The following SCML4 variants were observed in gnomAD, a reference collection of about 807,000 sequenced individuals.
The protein encoded by SCML4 is Scm polycomb group protein like 4, also known as sex comb on midleg-like protein 4.
In SCML4, 34 loss-of-function variants were observed where a neutral mutation model predicts 41.1. That is an observed-to-expected ratio of 0.83 (90% CI 0.63 to 1.10). SCML4 has a LOEUF of 1.10. Ranked by LOEUF, SCML4 falls within the 50% of genes least tolerant of loss-of-function variation. SCML4 has a pLI of 0.00. For missense variants in SCML4, 522 were observed against 534.1 expected, an observed-to-expected ratio of 0.98 and a Z score of 0.22; for synonymous variants, 214 against 220.9, an observed-to-expected ratio of 0.97 and a Z score of 0.28.
At chr6:107,845,960 G>C in the SCML4 span, among the ~76,000 whole-genome samples, 1 of 152,202 alleles carries the variant, frequency 6.6e-6, no homozygotes, top group Non-Finnish European at 1.5e-5. Flanking sequence ...TGCAGTGACA[G>C]GAGACAAGTG....
the SCML4 span, among the ~76,000 whole-genome samples, chr6:107,830,647 G>A: frequency 6.6e-6 from 1 of 151,974 alleles, no homozygotes; most frequent in African/African-American, 2.4e-5. Flanking sequence ...GTTAAAGTGG[G>A]AGATCTCATC....
chr6:107,774,491 T>C (rs1780758882), intron 1 of SCML4, among the ~76,000 whole-genome samples: 1 of 152,200 alleles, frequency 6.6e-6, no homozygotes, highest in African/African-American at 2.4e-5. Context: ...ACTAAAAACA[T>C]TGAAGAACCA....
At chr6:107,798,876 T>C (rs1175467221) in intron 1 of SCML4, among the ~76,000 whole-genome samples, 4 of 152,130 alleles carry the variant, frequency 2.6e-5, no homozygotes, top group African/African-American at 9.6e-5. Flanking sequence ...TGGTAGTATG[T>C]TTTAATTTCT....
intron 1 of SCML4, among the ~76,000 whole-genome samples, chr6:107,815,806 G>T (rs1317772363): frequency 6.6e-6 from 1 of 152,212 alleles, no homozygotes; most frequent in Non-Finnish European, 1.5e-5. Flanking sequence ...TTTCACCTCA[G>T]AATTGTAAAC....
At chr6:107,841,620 T>C in the SCML4 span, among the ~76,000 whole-genome samples, 1 of 152,188 alleles carries the variant, frequency 6.6e-6, no homozygotes, top group Non-Finnish European at 1.5e-5. Context: ...CAAAATAGAT[T>C]GACTGTATGA....
chr6:107,805,956 T>C (rs938977), intron 1 of SCML4, among the ~76,000 whole-genome samples: 141,700 of 152,292 alleles, frequency 0.93, 66,804 homozygotes, highest in East Asian at 1. Flanking sequence ...GAGGCCACGG[T>C]TATGAGTTCT....
At chr6:107,748,708 T>C (rs1417858548) in intron 3 of SCML4, among the ~76,000 whole-genome samples, 1 of 152,180 alleles carries the variant, frequency 6.6e-6, no homozygotes, top group Non-Finnish European at 1.5e-5. Flanking sequence ...TACATCCTGG[T>C]TGGGGAAGTA....
In SCML4 at chr6:107,746,720, G is replaced by A; in HGVS notation, c.456C>T (p.Val152=). 6.2e-7 allele frequency: 1 copy of A among 1,614,158 alleles called. No individual in the cohort carries two copies. Among genetic ancestry groups the A allele is most frequent in the Non-Finnish European group, 8.5e-7 (1 of 1,180,010 alleles). ...AHQQKLVFSL[V]KQGYGGEMVS... ...CCATCTCACCACCATAGCCCTGCTT[G>A]ACCAGGGAGAAGACCAGCTTCTGCT... Residue 152 remains valine (V), a synonymous_variant, in exon 4 of 8, where the codon GTC becomes GTT. Coordinates refer to ENST00000369020, the MANE Select transcript of SCML4 (RefSeq NM_198081.5).
chr6:107,755,175 T>C lies in SCML4; in HGVS notation c.157-5362A>G, dbSNP rs545228481. On this transcript the variant is annotated intron_variant, in intron 2 of 7. Coordinates refer to ENST00000369020, the MANE Select transcript of SCML4 (RefSeq NM_198081.5). ...CTCAAATGAAGTAATGGAATTATAA[T>C]TGGCTGTTACTTCTGTCCATTTCTG... Among the ~76,000 whole-genome samples the C allele has an allele frequency of 1.8e-4, 28 of 152,248 alleles. No homozygotes were observed. The South Asian group carries it at 4.8e-3, about 26-fold the overall frequency.
chr6:107,836,022 G>A, the SCML4 span, among the ~76,000 whole-genome samples: 2 of 151,974 alleles, frequency 1.3e-5, no homozygotes, highest in African/African-American at 2.4e-5. Flanking sequence ...CTCCTCAAGG[G>A]AACAGGGCTG....
chr6:107,765,146 C>A (rs1562233789), intron 2 of SCML4, among the ~76,000 whole-genome samples: 1 of 152,202 alleles, frequency 6.6e-6, no homozygotes, highest in Non-Finnish European at 1.5e-5. Context: ...CACCAACAAT[C>A]TTTAGCAGAA....
intron 5 of SCML4, among the ~76,000 whole-genome samples, chr6:107,721,421 C>T (rs963889114): frequency 3.9e-5 from 6 of 151,940 alleles, no homozygotes; most frequent in South Asian, 4.2e-4. Context: ...AAAAATTAGC[C>T]GGATGTGGTG....
chr6:107,841,676 G>C, the SCML4 span, among the ~76,000 whole-genome samples: 1 of 152,192 alleles, frequency 6.6e-6, no homozygotes, highest in African/African-American at 2.4e-5. Flanking sequence ...AGGACCTGGT[G>C]TATCATAAGC....
At chr6:107,794,504 T>A (rs1285591424) in intron 1 of SCML4, among the ~76,000 whole-genome samples, 1 of 152,198 alleles carries the variant, frequency 6.6e-6, no homozygotes, top group African/African-American at 2.4e-5. Context: ...GTTATTTCAC[T>A]TGTATGTTAT....
At chr6:107,726,738 T>A (rs1457324587) in intron 5 of SCML4, among the ~76,000 whole-genome samples, 2 of 152,048 alleles carry the variant, frequency 1.3e-5, no homozygotes, top group Non-Finnish European at 2.9e-5. Flanking sequence ...AAGGTGATAA[T>A]CAAAGAGTCA....
intron 1 of SCML4, among the ~76,000 whole-genome samples, chr6:107,804,692 T>G (rs1317473616): frequency 6.6e-6 from 1 of 152,188 alleles, no homozygotes; most frequent in Non-Finnish European, 1.5e-5. Flanking sequence ...GGATAAAGTG[T>G]GGCAGCCAGA....
At chr6:107,830,572 C>T in the SCML4 span, among the ~76,000 whole-genome samples, 1 of 152,196 alleles carries the variant, frequency 6.6e-6, no homozygotes, top group African/African-American at 2.4e-5. Flanking sequence ...GTATGTAGTG[C>T]AGAGCCTAGG....
At chr6:107,718,006 T>A (rs564732401) in intron 6 of SCML4, among the ~76,000 whole-genome samples, 12 of 152,338 alleles carry the variant, frequency 7.9e-5, no homozygotes, top group African/African-American at 2.9e-4. Flanking sequence ...GGGCCTCTCC[T>A]GGGGTGCAAC....
chr6:107,756,442 T>G (rs1293366496), intron 2 of SCML4, among the ~76,000 whole-genome samples: 1 of 152,150 alleles, frequency 6.6e-6, no homozygotes, highest in Non-Finnish European at 1.5e-5. Context: ...ACCCAACCAG[T>G]ACTCCTCAAA....
Sources: allele counts gnomAD v4.1 joint callset (sites outside exome capture counted in the v4.1 genomes callset), GRCh38; gene constraint gnomAD v4.1.1; transcripts MANE v1.5; gene names NCBI Gene and HGNC (gene_info 2026-07-23, HGNC 2026-07-21).